The following WWOX variants were observed in gnomAD, a reference collection of about 807,000 sequenced individuals.
WWOX encodes WW domain containing oxidoreductase.
Under a neutral mutation model 46.2 loss-of-function variants are expected in WWOX, and 69 were observed. That is an observed-to-expected ratio of 1.49 (90% CI 1.23 to 1.82). The LOEUF (loss-of-function observed/expected upper bound fraction) is 1.82. WWOX is among the 40% of genes most tolerant of loss of function. WWOX has a pLI of 0.00. For missense variants in WWOX, 919 were observed against 542.6 expected, an observed-to-expected ratio of 1.69 and a Z score of -6.89; for synonymous variants, 359 against 202.6, an observed-to-expected ratio of 1.77 and a Z score of -6.56.
intron 8 of WWOX, among the ~76,000 whole-genome samples, chr16:78,590,954 G>C (rs142307148): frequency 2.3e-3 from 349 of 152,192 alleles, no homozygotes; most frequent in Middle Eastern, 0.01. Context: ...GGAGTAATAT[G>C]GCACCTCCTC....
intron 8 of WWOX, chr16:78,825,911 C>T: frequency 1.4e-6 from 1 of 715,756 alleles, no homozygotes; most frequent in Non-Finnish European, 2.5e-6. Context: ...CATCATGGAA[C>T]CCAAAGATGA....
chr16:78,719,382 G>A (rs921873262), intron 8 of WWOX, among the ~76,000 whole-genome samples: 2 of 152,210 alleles, frequency 1.3e-5, no homozygotes, highest in African/African-American at 2.4e-5. Context: ...GGTGATGTGG[G>A]ATCCAAGAAG....
At chr16:78,529,683 G>A (rs2043572131) in intron 8 of WWOX, among the ~76,000 whole-genome samples, 1 of 151,874 alleles carries the variant, frequency 6.6e-6, no homozygotes, top group Non-Finnish European at 1.5e-5. Flanking sequence ...TAGGCAGGAT[G>A]GTCTCGATCT....
intron 8 of WWOX, among the ~76,000 whole-genome samples, chr16:78,440,217 C>T (rs866181416): frequency 1.3e-5 from 2 of 152,088 alleles, no homozygotes; most frequent in African/African-American, 4.8e-5. Flanking sequence ...TTTATAGGAT[C>T]GTTGTGAGAA....
intron 8 of WWOX, chr16:78,890,572 G>T (rs12448447): frequency 6.6e-6 from 1 of 152,292 alleles, no homozygotes; most frequent in Admixed American, 6.5e-5. Flanking sequence ...CTTTGTAGTT[G>T]CTCTCTTTTT....
chr16:78,623,103 G>A (rs115707454), intron 8 of WWOX, among the ~76,000 whole-genome samples: 2,040 of 151,960 alleles, frequency 0.013, 46 homozygotes, highest in African/African-American at 0.047. Flanking sequence ...TGATGAGACC[G>A]CAGCCCCACT....
At chr16:78,464,001 G>T (rs2667512) in intron 8 of WWOX, among the ~76,000 whole-genome samples, 45,861 of 151,950 alleles carry the variant, frequency 0.3, 8,728 homozygotes, top group African/African-American at 0.55. Flanking sequence ...TTGATCTGGC[G>T]GTCAGAACCT....
At chr16:78,164,078 T>C in intron 4 of WWOX, 105 bp from the exon 5 acceptor site, 1 of 1,060,006 alleles carries the variant, frequency 9.4e-7, no homozygotes, top group South Asian at 1.4e-5. Flanking sequence ...TCACCCCTGG[T>C]TGAGAACTTG....
intron 8 of WWOX, among the ~76,000 whole-genome samples, chr16:78,903,744 C>A (rs772356585): frequency 3.3e-5 from 5 of 152,310 alleles, no homozygotes; most frequent in African/African-American, 1.2e-4. Context: ...ATCCATTATG[C>A]ATAGTACAGG....
intron 8 of WWOX, among the ~76,000 whole-genome samples, chr16:78,871,716 C>T (rs909147648): frequency 8.5e-5 from 13 of 152,324 alleles, no homozygotes; most frequent in African/African-American, 3.1e-4. Context: ...TCTCCTGCCT[C>T]AGCCTTCCAA....
intron 8 of WWOX, among the ~76,000 whole-genome samples, chr16:78,979,184 C>G (rs1258022761): frequency 1.3e-5 from 2 of 151,468 alleles, no homozygotes; most frequent in African/African-American, 4.9e-5. Flanking sequence ...CATGTGGCTT[C>G]CCCCGTTACA....
intron 8 of WWOX, among the ~76,000 whole-genome samples, chr16:78,855,884 C>T (rs1011620783): frequency 1.4e-4 from 22 of 152,162 alleles, no homozygotes; most frequent in African/African-American, 5.1e-4. Flanking sequence ...GAGGCCCAGT[C>T]CTTACTCTCA....
At chr16:78,331,279 C>T (rs1425578128) in intron 5 of WWOX, among the ~76,000 whole-genome samples, 2 of 152,086 alleles carry the variant, frequency 1.3e-5, no homozygotes, top group African/African-American at 4.8e-5. Context: ...TTAGAAGTCA[C>T]GTCGATTTTC....
intron 5 of WWOX, among the ~76,000 whole-genome samples, chr16:78,297,845 A>G (rs1438797822): frequency 6.6e-6 from 1 of 152,160 alleles, no homozygotes; most frequent in East Asian, 1.9e-4. Context: ...GTTCCAGGGA[A>G]GGTGCCATTT....
At chr16:78,443,135 C>CAAAAAAA (rs759618827) in intron 8 of WWOX, among the ~76,000 whole-genome samples, 1 of 40,284 alleles carries the variant, frequency 2.5e-5, no homozygotes, top group African/African-American at 8.9e-5. Context: ...GACTCCATCT[C>CAAAAAAA]AAAAAAAAAA....
At chr16:78,162,247 A>G (rs1421455735) in intron 4 of WWOX, among the ~76,000 whole-genome samples, 2 of 151,930 alleles carry the variant, frequency 1.3e-5, no homozygotes, top group African/African-American at 4.8e-5. Context: ...TGAAAGTTTT[A>G]TTTTTTTTCA....
rs1475558868 is a variant in WWOX at position 78,422,842 on chromosome 16, TATACACAC to T, written c.606-2026_606-2019del. On this transcript the variant is annotated intron_variant, in intron 6 of 8. Coordinates refer to ENST00000566780, the MANE Select transcript of WWOX (RefSeq NM_016373.4). ...ATACACACACATATATATATATACA[TATACACAC>T]ACACACACACACACACACACACACA... 8.3e-4 allele frequency among the ~76,000 whole-genome samples: 63 copies of T among 76,294 alleles called. 4 individuals carry two copies. Among genetic ancestry groups the T allele is most frequent in the African/African-American group, 3.3e-3 (58 of 17,348 alleles). 50.1% of individuals were successfully genotyped at this position (76,294 alleles called of 152,430 possible).
At chr16:78,333,209 C>G (rs1253665015) in intron 5 of WWOX, among the ~76,000 whole-genome samples, 1 of 151,706 alleles carries the variant, frequency 6.6e-6, no homozygotes, top group Non-Finnish European at 1.5e-5. Context: ...TACTCCCACA[C>G]CCAGGTAATT....
At chr16:79,189,228 C>T (rs1830129456) in intron 8 of WWOX, among the ~76,000 whole-genome samples, 2 of 151,988 alleles carry the variant, frequency 1.3e-5, no homozygotes, top group South Asian at 4.2e-4. Flanking sequence ...TTGGAACAGG[C>T]ATCTATTAGG....
Sources: gnomAD v4.1 joint callset for allele counts (sites outside exome capture counted in the v4.1 genomes callset) on GRCh38, gnomAD v4.1.1 for gene constraint, MANE v1.5 for transcripts, NCBI Gene and HGNC (gene_info 2026-07-23, HGNC 2026-07-21) for gene names.